Variants in SLC7A8 observed in about 807,000 individuals in gnomAD.
SLC7A8 encodes large neutral amino acids transporter small subunit 2.
SLC7A8 carries 30 observed loss-of-function variants against 51.2 expected under a neutral mutation model. That is an observed-to-expected ratio of 0.59 (90% CI 0.44 to 0.80). The LOEUF (loss-of-function observed/expected upper bound fraction) is 0.80, where lower values mean the gene tolerates loss of function less well. Ranked by LOEUF, SLC7A8 falls within the 30% of genes least tolerant of loss-of-function variation. SLC7A8 has a pLI of 0.00. For missense variants in SLC7A8, 612 were observed against 674.4 expected (o/e 0.91, Z 1.03); for synonymous variants, 257 against 275.8 (o/e 0.93, Z 0.67).
intron 1 of SLC7A8, among the ~76,000 whole-genome samples, chr14:23,174,890 C>G (rs1207844015): frequency 6.6e-6 from 1 of 152,166 alleles, no homozygotes; most frequent in Non-Finnish European, 1.5e-5. Context: ...CCCCTGGGTT[C>G]CTGAATGGCT....
At chr14:23,139,599 T>C in intron 5 of SLC7A8, 52 bp from the exon 6 acceptor site, 1 of 1,583,270 alleles carries the variant, frequency 6.3e-7, no homozygotes, top group Non-Finnish European at 8.6e-7. Flanking sequence ...GACACCCGCC[T>C]TGCCATGGAG....
At chr14:23,164,991 CAA>C (rs34297545) in intron 3 of SLC7A8, among the ~76,000 whole-genome samples, 5 of 134,010 alleles carry the variant, frequency 3.7e-5, no homozygotes, top group Admixed American at 7.6e-5. Flanking sequence ...GACCCTGCCT[CAA>C]AAAAAAAAAA....
At position 23,166,546 on chromosome 14, in the gene SLC7A8, T is replaced by C; in HGVS notation, c.152-6A>G. On this transcript the variant is annotated splice_polypyrimidine_tract_variant and splice_region_variant and intron_variant, in intron 1 of 10. Coordinates refer to ENST00000316902, the MANE Select transcript of SLC7A8 (RefSeq NM_012244.4). ...TCCAGAGCCGATGATGTTCCCTGCA[T>C]GAGGCACCAAGGGTAAGGAGGGGAG... The C allele has an allele frequency of 6.2e-7, 1 of 1,613,872 alleles. No homozygotes were observed. The highest frequency in any genetic ancestry group is 8.5e-7 in the Non-Finnish European group (1 of 1,179,858).
intron 3 of SLC7A8, among the ~76,000 whole-genome samples, chr14:23,161,330 C>A (rs2048920879): frequency 6.6e-6 from 1 of 152,020 alleles, no homozygotes; most frequent in African/African-American, 2.4e-5. Context: ...CCCTGCTGGG[C>A]CCTGTGCCCT....
At chr14:23,142,777 C>T (rs1160727040) in intron 4 of SLC7A8, among the ~76,000 whole-genome samples, 2 of 152,182 alleles carry the variant, frequency 1.3e-5, no homozygotes, top group African/African-American at 4.8e-5. Flanking sequence ...GCTGGGATTA[C>T]AGGTGTGAGC....
rs902647026 is a variant in SLC7A8, at chr14:23,147,281, A to T, written c.509-4077T>A. Among the ~76,000 whole-genome samples, 3 of 152,176 alleles carry T rather than the reference A, an allele frequency of 2.0e-5. No individual in the cohort carries two copies. The East Asian group carries it at 5.8e-4, about 29-fold the overall frequency. On this transcript the variant is annotated intron_variant, in intron 3 of 10. Transcript: ENST00000316902. ...CTCATCCGTCATTCATGCAGGGCCT[A>T]CATGTACTAGGCATTCTAGCTGGTG...
chr14:23,166,214 T>C, intron 2 of SLC7A8, 122 bp downstream of exon 2: 1 of 996,842 alleles, frequency 1.0e-6, no homozygotes, highest in Admixed American at 2.0e-5. Context: ...TTCCATTCAC[T>C]AGCACCCCGT....
intron 1 of SLC7A8, among the ~76,000 whole-genome samples, chr14:23,179,099 A>G (rs1877049806): frequency 6.6e-6 from 1 of 151,350 alleles, no homozygotes; most frequent in East Asian, 1.9e-4. Context: ...ACCTAAGAAA[A>G]CTCCCAGAAT....
chr14:23,167,606 A>T lies in SLC7A8; in HGVS notation c.152-1066T>A, dbSNP rs781202242. On this transcript the variant is annotated intron_variant, in intron 1 of 10. Coordinates refer to ENST00000316902, the MANE Select transcript of SLC7A8 (RefSeq NM_012244.4). ...TAAGAGTGTGGAGGCCGTTCCTGAC[A>T]TGCTTCCTCCCAAATGTTCCTCTGT... 3.9e-5 allele frequency among the ~76,000 whole-genome samples: 6 copies of T among 152,148 alleles called. No individual in the cohort carries two copies. The Middle Eastern group carries it at 0.014, about 345-fold the overall frequency.
intron 3 of SLC7A8, among the ~76,000 whole-genome samples, chr14:23,149,018 G>A (rs1471727804): frequency 6.6e-6 from 1 of 152,176 alleles, no homozygotes; most frequent in Non-Finnish European, 1.5e-5. Flanking sequence ...GCCCAAAAGA[G>A]TGTCTGTCCA....
In SLC7A8 at chr14:23,182,924, T is replaced by C. The variant is rs200097235; in HGVS notation, c.-10A>G. ...TGGCTCCTTCTTCCATCCTTCTCAGTAGGATTGCAACCTCAAAAGCTGCCT... is the reference window on the plus strand; with the variant it reads ...TGGCTCCTTCTTCCATCCTTCTCAGCAGGATTGCAACCTCAAAAGCTGCCT... On this transcript the variant is annotated 5_prime_UTR_variant, in exon 1 of 11. Coordinates refer to ENST00000316902, the MANE Select transcript of SLC7A8 (RefSeq NM_012244.4). 6.2e-7 allele frequency: 1 copy of C among 1,614,154 alleles called. No homozygotes were observed. The highest frequency in any genetic ancestry group is 1.1e-5 in the South Asian group (1 of 91,082).
At chr14:23,172,764 A>T (rs1173642579) in intron 1 of SLC7A8, among the ~76,000 whole-genome samples, 1 of 152,228 alleles carries the variant, frequency 6.6e-6, no homozygotes, top group Non-Finnish European at 1.5e-5. Flanking sequence ...GGCCAGTAAC[A>T]CTGCTAAACA....
rs113507680 is a variant in SLC7A8, at chr14:23,132,951, A to T, written c.1017-1394T>A. ...ATGCCCAGCCTATGATCTGCTTTTTAAAAAAAAAATTGAGGCAGGGTCTTG... is the reference window on the plus strand; with the variant it reads ...ATGCCCAGCCTATGATCTGCTTTTTTAAAAAAAAATTGAGGCAGGGTCTTG... On this transcript the variant is annotated intron_variant, in intron 7 of 10. Transcript: ENST00000316902. Among the ~76,000 whole-genome samples the T allele has an allele frequency of 7.0e-3, 627 of 89,544 alleles. 8 individuals carry two copies. The highest frequency in any genetic ancestry group is 0.016 in the African/African-American group (572 of 36,362). The allele number at this position is 89,544 out of a possible 152,430, so 58.7% of individuals were successfully genotyped here. A position where few individuals can be genotyped will look rare whatever the true frequency, so the allele number is the denominator to read the frequency against.
At position 23,138,329 on chromosome 14, in the gene SLC7A8, A is replaced by G. The variant is rs1434891366; in HGVS notation, c.913-305T>C. 3 of 288,898 alleles carry G rather than the reference A, an allele frequency of 1.0e-5. No individual in the cohort carries two copies. In the Admixed American group the frequency reaches 1.4e-4, roughly 13 times the overall value. 17.9% of individuals were successfully genotyped at this position (288,898 alleles called of 1,614,324 possible). On this transcript the variant is annotated intron_variant, in intron 6 of 10. Transcript: ENST00000316902. ...ATAGTGATTAAGTAGCTTGCCTAAG[A>G]TTACACACCCAGCGAGTGGAGGGGC...
intron 3 of SLC7A8, chr14:23,154,396 A>G: frequency 1.0e-6 from 1 of 996,544 alleles, no homozygotes; most frequent in East Asian, 1.1e-4. Flanking sequence ...CCCAGGCTGG[A>G]GGTTGGAGCC....
intron 3 of SLC7A8, among the ~76,000 whole-genome samples, chr14:23,154,689 G>T (rs934116920): frequency 6.6e-6 from 1 of 152,262 alleles, no homozygotes; most frequent in East Asian, 1.9e-4. Flanking sequence ...TAAGGTTCCA[G>T]TTCTGCCCAC....
chr14:23,172,550 G>A (rs1334955280), intron 1 of SLC7A8, among the ~76,000 whole-genome samples: 1 of 152,184 alleles, frequency 6.6e-6, no homozygotes, highest in Non-Finnish European at 1.5e-5. Flanking sequence ...CCTCAAATAA[G>A]CCCATGAAGG....
rs915725777 is a variant in SLC7A8 at position 23,128,506 on chromosome 14, G to A, written c.1264-310C>T. On this transcript the variant is annotated intron_variant, in intron 9 of 10. Coordinates refer to ENST00000316902, the MANE Select transcript of SLC7A8 (RefSeq NM_012244.4). This position sits in a 1 kb window ranked among gnomAD's most constrained non-coding sequence, Gnocchi z 4.3. The stretch of plus-strand genomic sequence containing the variant: ...GCCTCATCATGCATGCCATGTGCCC[G>A]TGGCAGCCAGAGAAGCCCACAGGGA... The A allele has an allele frequency of 4.6e-5, 32 of 689,674 alleles. No homozygotes were observed. Among genetic ancestry groups the A allele is most frequent in the African/African-American group, 4.0e-4 (22 of 55,612 alleles). The allele number at this position is 689,674 out of a possible 1,614,324, so 42.7% of individuals were successfully genotyped here.
intron 8 of SLC7A8, chr14:23,130,113 C>T (rs1029516970): frequency 1.1e-5 from 3 of 273,754 alleles, no homozygotes; most frequent in Non-Finnish European, 1.4e-5. Flanking sequence ...TCTGTGTCAG[C>T]CCCGGTCTCA....
Sources: gnomAD v4.1 joint callset for allele counts (sites outside exome capture counted in the v4.1 genomes callset) on GRCh38, gnomAD v4.1.1 for gene constraint, Gnocchi (gnomAD v3.1) non-coding constraint, MANE v1.5 for transcripts, NCBI Gene and HGNC (gene_info 2026-07-23, HGNC 2026-07-21) for gene names.